CA5A: variants seen among roughly 807,000 people sequenced by gnomAD.
CA5A encodes carbonic anhydrase 5A.
In CA5A, 28 loss-of-function variants were observed where a neutral mutation model predicts 37.1. That is an observed-to-expected ratio of 0.75 (90% CI 0.56 to 1.03). The LOEUF is 1.03. CA5A is among the 50% of genes least tolerant of loss of function. CA5A has a pLI of 0.00. For missense variants in CA5A, 444 were observed against 399.9 expected (o/e 1.11, Z -0.94); for synonymous variants, 171 against 158.4 (o/e 1.08, Z -0.60).
At chr16:87,913,471 C>T (rs923422990) in intron 2 of CA5A, among the ~76,000 whole-genome samples, 10 of 152,020 alleles carry the variant, frequency 6.6e-5, no homozygotes, top group Non-Finnish European at 1.2e-4. Flanking sequence ...TTTTACAAGA[C>T]CACTGTTAAA....
intron 2 of CA5A, among the ~76,000 whole-genome samples, chr16:87,924,689 C>G (rs1370391634): frequency 6.6e-6 from 1 of 152,270 alleles, no homozygotes; most frequent in Non-Finnish European, 1.5e-5. Context: ...ACAGCAGGAG[C>G]TGGGGAAGCC....
intron 2 of CA5A, chr16:87,924,250 C>G: frequency 1.0e-6 from 1 of 985,446 alleles, no homozygotes; most frequent in Non-Finnish European, 1.2e-6. Flanking sequence ...AAGCCCCACA[C>G]GGGAAGCATC....
At chr16:87,935,328 G>A (rs532764993) in intron 1 of CA5A, among the ~76,000 whole-genome samples, 2 of 152,344 alleles carry the variant, frequency 1.3e-5, no homozygotes, top group East Asian at 3.9e-4. Context: ...AGGAGGGGCT[G>A]GCACGGGGCA....
chr16:87,888,873 C>T (rs1489202567), intron 6 of CA5A, among the ~76,000 whole-genome samples: 1 of 152,086 alleles, frequency 6.6e-6, no homozygotes, highest in East Asian at 1.9e-4. Flanking sequence ...CTGCCTCGGC[C>T]TCCTGAGTAG....
chr16:87,922,873 G>T (rs1412440256), intron 2 of CA5A, among the ~76,000 whole-genome samples: 1 of 152,258 alleles, frequency 6.6e-6, no homozygotes, highest in Non-Finnish European at 1.5e-5. Flanking sequence ...GAGTCCCATT[G>T]GGAGGCCTCT....
At position 87,894,192 on chromosome 16, in the gene CA5A, G is replaced by A. The variant is rs145624656; in HGVS notation, c.619-2238C>T. ...CTTCCAGGCTGGAGTGCCGTGGCAT[G>A]ATCTCAGCTCACGGTGGTTGGGCCT... On this transcript the variant is annotated intron_variant, in intron 5 of 6. Transcript: ENST00000649794. Among the ~76,000 whole-genome samples the A allele has an allele frequency of 1.8e-4, 28 of 152,116 alleles. No individual in the cohort carries two copies. The East Asian group carries it at 5.0e-3, about 27-fold the overall frequency.
At chr16:87,936,171 T>TAAAAAAA in intron 1 of CA5A, 138 bp downstream of exon 1, 3 of 435,346 alleles carry the variant, frequency 6.9e-6, no homozygotes, top group South Asian at 2.7e-5. Flanking sequence ...GACGCCATCT[T>TAAAAAAA]AAAAAAAAAA....
intron 6 of CA5A, among the ~76,000 whole-genome samples, 157 bp downstream of exon 6, chr16:87,891,642 C>T (rs2055714613): frequency 6.6e-6 from 1 of 152,228 alleles, no homozygotes; most frequent in African/African-American, 2.4e-5. Flanking sequence ...CAAGCTCCTA[C>T]TTCAGTTGGA....
At position 87,888,042 on chromosome 16, in the gene CA5A, A is replaced by T. The variant is rs2055662745; in HGVS notation, c.*87T>A. On this transcript the variant is annotated 3_prime_UTR_variant, in exon 7 of 7. Transcript: ENST00000649794. ...CTCATGCTCTCTTTTTAATTTCAGA[A>T]GTCATGTACAATCACATTGTGAAAC... 8.0e-6 allele frequency: 12 copies of T among 1,492,514 alleles called. No individual in the cohort carries two copies. Among genetic ancestry groups the T allele is most frequent in the Non-Finnish European group, 1.1e-5 (12 of 1,116,426 alleles). The allele number at this position is 1,492,514 out of a possible 1,614,324, so 92.5% of individuals were successfully genotyped here.
chr16:87,930,987 C>T (rs928476994), intron 1 of CA5A, among the ~76,000 whole-genome samples: 3 of 151,848 alleles, frequency 2.0e-5, no homozygotes, highest in Non-Finnish European at 4.4e-5. Context: ...GATCTGCCTG[C>T]CTCGGCCTCC....
chr16:87,926,148 G>A (rs185312419), intron 2 of CA5A, among the ~76,000 whole-genome samples: 1 of 152,282 alleles, frequency 6.6e-6, no homozygotes, highest in Non-Finnish European at 1.5e-5. Flanking sequence ...TGAACCAGGA[G>A]ACAGAGGTTG....
intron 2 of CA5A, among the ~76,000 whole-genome samples, chr16:87,918,125 G>T (rs967166664): frequency 6.6e-6 from 1 of 152,202 alleles, no homozygotes. Context: ...AGCCTGGCAG[G>T]CACCCCCCAA....
At chr16:87,931,599 G>A (rs2056406579) in intron 1 of CA5A, among the ~76,000 whole-genome samples, 1 of 152,206 alleles carries the variant, frequency 6.6e-6, no homozygotes, top group Non-Finnish European at 1.5e-5. Flanking sequence ...CAGCTTTGCT[G>A]AGAAGATAAG....
At chr16:87,883,386 G>A (rs537748617), downstream of CA5A, 1 of 148,766 alleles carries the variant, frequency 6.7e-6, no homozygotes, top group East Asian at 2.0e-4. Flanking sequence ...CTGGAGTACA[G>A]TGGCACGATC....
chr16:87,925,379 G>T (rs1490035065), intron 2 of CA5A, among the ~76,000 whole-genome samples: 1 of 152,162 alleles, frequency 6.6e-6, no homozygotes, highest in African/African-American at 2.4e-5. Flanking sequence ...CGGACAGGAC[G>T]GACTTAATTC....
chr16:87,923,474 C>T, intron 2 of CA5A: 1 of 893,132 alleles, frequency 1.1e-6, no homozygotes, highest in Non-Finnish European at 1.3e-6. Flanking sequence ...AAGCATGAGC[C>T]AGCTCGCCCA....
intron 2 of CA5A, among the ~76,000 whole-genome samples, chr16:87,908,341 G>T (rs1471242925): frequency 2.6e-5 from 4 of 152,190 alleles, no homozygotes; most frequent in Non-Finnish European, 4.4e-5. Context: ...GACAAGGCAG[G>T]AGGCATTTTG....
chr16:87,890,091 G>C (rs1283833752), intron 6 of CA5A, among the ~76,000 whole-genome samples: 5 of 152,240 alleles, frequency 3.3e-5, no homozygotes, highest in Non-Finnish European at 7.3e-5. Flanking sequence ...CAGGACATGT[G>C]CCTCCCTGGC....
At chr16:87,928,452 A>G (rs2056345532) in intron 1 of CA5A, among the ~76,000 whole-genome samples, 1 of 152,182 alleles carries the variant, frequency 6.6e-6, no homozygotes, top group African/African-American at 2.4e-5. Flanking sequence ...AAGTGCTGAG[A>G]TTAGAAGTGT....
Sources: allele counts gnomAD v4.1 joint callset (sites outside exome capture counted in the v4.1 genomes callset), GRCh38; gene constraint gnomAD v4.1.1; transcripts MANE v1.5; gene names NCBI Gene and HGNC (gene_info 2026-07-23, HGNC 2026-07-21).